Variants in ARHGEF28 observed in about 807,000 individuals in gnomAD.
The protein encoded by ARHGEF28 is Rho guanine nucleotide exchange factor 28.
In ARHGEF28, 152 loss-of-function variants were observed where a neutral mutation model predicts 206.6. That is an observed-to-expected ratio of 0.74 (90% CI 0.64 to 0.84). The LOEUF (loss-of-function observed/expected upper bound fraction) is 0.84, where lower values mean the gene tolerates loss of function less well. ARHGEF28 is among the 40% of genes least tolerant of loss of function. ARHGEF28 has a pLI of 0.00. For missense variants in ARHGEF28, 2,028 were observed against 2,073.2 expected, an observed-to-expected ratio of 0.98 and a Z score of 0.42; for synonymous variants, 763 against 776.4, an observed-to-expected ratio of 0.98 and a Z score of 0.29.
chr5:73,867,037 C>G (rs1278837586), intron 18 of ARHGEF28, among the ~76,000 whole-genome samples: 1 of 152,142 alleles, frequency 6.6e-6, no homozygotes, highest in African/African-American at 2.4e-5. Context: ...CCAAAAGTCT[C>G]TTTGATGATG....
chr5:73,688,330 G>A (rs1407580127), intron 2 of ARHGEF28, among the ~76,000 whole-genome samples: 2 of 152,046 alleles, frequency 1.3e-5, no homozygotes, highest in Non-Finnish European at 2.9e-5. Flanking sequence ...GGTCTTATAG[G>A]TGATTTTTTA....
chr5:73,936,849 T>G (rs570332012), intron 35 of ARHGEF28, among the ~76,000 whole-genome samples: 13 of 152,330 alleles, frequency 8.5e-5, no homozygotes, highest in Non-Finnish European at 1.8e-4. Context: ...ATTACAGGCG[T>G]GAACTACCAT....
intron 35 of ARHGEF28, among the ~76,000 whole-genome samples, chr5:73,912,685 G>A (rs1762972557): frequency 6.6e-6 from 1 of 152,006 alleles, no homozygotes; most frequent in African/African-American, 2.4e-5. Context: ...ATATTCTTTA[G>A]GTAAAGAAAA....
intron 33 of ARHGEF28, among the ~76,000 whole-genome samples, chr5:73,908,213 G>A (rs1168968142): frequency 6.6e-6 from 1 of 152,082 alleles, no homozygotes; most frequent in Non-Finnish European, 1.5e-5. Context: ...TTGTTCAAAA[G>A]GCCCCAGTGA....
chr5:73,840,982 C>A (rs1757955335), intron 11 of ARHGEF28, among the ~76,000 whole-genome samples: 2 of 152,176 alleles, frequency 1.3e-5, no homozygotes, highest in Non-Finnish European at 2.9e-5. Flanking sequence ...CCAGTTTATA[C>A]TCACTTGACT....
chr5:73,731,799 C>A (rs554194653), intron 2 of ARHGEF28, among the ~76,000 whole-genome samples: 1 of 152,186 alleles, frequency 6.6e-6, no homozygotes, highest in African/African-American at 2.4e-5. Context: ...TAAAATGATA[C>A]AGTTTTTCTT....
chr5:73,630,487 C>T (rs1166678655), intron 1 of ARHGEF28, among the ~76,000 whole-genome samples: 1 of 152,196 alleles, frequency 6.6e-6, no homozygotes, highest in Non-Finnish European at 1.5e-5. Context: ...ACAGAGAACC[C>T]TCCTGGTAGT....
intron 26 of ARHGEF28, among the ~76,000 whole-genome samples, chr5:73,888,802 C>G (rs185640723): frequency 6.6e-6 from 1 of 152,188 alleles, no homozygotes; most frequent in East Asian, 1.9e-4. Flanking sequence ...CTGTGCTACC[C>G]ATAGACAACA....
chr5:73,675,776 G>A (rs1746625875), intron 1 of ARHGEF28, among the ~76,000 whole-genome samples: 1 of 148,106 alleles, frequency 6.8e-6, no homozygotes, highest in South Asian at 2.2e-4. Context: ...TATTTATAAA[G>A]TTTATATTTC....
Position 73,897,973 on chromosome 5 carries a change from C to T in ARHGEF28, c.3853C>T (p.Gln1285Ter). The change falls in exon 30 of 36, where the codon CAA becomes TAA. Residue 1285 changes from glutamine (Q) to a stop codon, truncating the protein, a stop_gained. Coordinates refer to ENST00000513042, the MANE Select transcript of ARHGEF28 (RefSeq NM_001177693.2). LOFTEE classifies it high-confidence loss of function. ...TTTCTCCATCTTAGCTGAGAGCCTA[C>T]AAGTTGCAGTGAAGGCCTCACAGAT... is the stretch of plus-strand genomic sequence containing the variant. ...AAALKEAESL[Q>*]VAVKASQMGA... 1 of 1,581,030 alleles carries T rather than the reference C, an allele frequency of 6.3e-7. No individual in the cohort carries two copies.
intron 35 of ARHGEF28, among the ~76,000 whole-genome samples, chr5:73,934,278 A>C (rs570218379): frequency 6.6e-6 from 1 of 152,180 alleles, no homozygotes; most frequent in Non-Finnish European, 1.5e-5. Context: ...ATTTGATTAG[A>C]TGCAGGCTTT....
chr5:73,888,352 C>T (rs1049606516), intron 26 of ARHGEF28, among the ~76,000 whole-genome samples: 1 of 152,246 alleles, frequency 6.6e-6, no homozygotes, highest in Non-Finnish European at 1.5e-5. Context: ...GAAGAAGTCT[C>T]TATGTTCCCA....
intron 35 of ARHGEF28, among the ~76,000 whole-genome samples, chr5:73,923,379 G>T (rs562045277): frequency 8.5e-5 from 13 of 152,306 alleles, no homozygotes; most frequent in Admixed American, 6.5e-4. Context: ...GGAGCAAAAA[G>T]CCTAAATCTG....
intron 35 of ARHGEF28, among the ~76,000 whole-genome samples, chr5:73,930,065 G>A (rs283628): frequency 0.48 from 72,226 of 151,934 alleles, 18,349 homozygotes; most frequent in African/African-American, 0.66. Context: ...ATTAGAAGTG[G>A]AGAGCAGTAA....
At chr5:73,896,271 G>A (rs1391582989) in intron 29 of ARHGEF28, among the ~76,000 whole-genome samples, 2 of 152,150 alleles carry the variant, frequency 1.3e-5, no homozygotes, top group Admixed American at 1.3e-4. Flanking sequence ...AGAAGGAAGT[G>A]CAAAGCCCCT....
intron 26 of ARHGEF28, among the ~76,000 whole-genome samples, chr5:73,891,772 G>A (rs1240770573): frequency 6.6e-6 from 1 of 152,096 alleles, no homozygotes; most frequent in African/African-American, 2.4e-5. Flanking sequence ...TGATTCACCT[G>A]CCTCGGCCTC....
At chr5:73,731,406 T>C (rs1293181582) in intron 2 of ARHGEF28, among the ~76,000 whole-genome samples, 1 of 152,236 alleles carries the variant, frequency 6.6e-6, no homozygotes, top group Admixed American at 6.5e-5. Context: ...GCTTGGCTAT[T>C]AAAAAATTTG....
intron 1 of ARHGEF28, among the ~76,000 whole-genome samples, chr5:73,668,970 G>T (rs944762527): frequency 4.0e-5 from 6 of 151,292 alleles, no homozygotes; most frequent in Admixed American, 1.3e-4. Context: ...CCAGAAGAAT[G>T]TTTTTTTTTC....
intron 13 of ARHGEF28, 84 bp downstream of exon 13, chr5:73,849,171 A>G: frequency 1.0e-6 from 1 of 972,432 alleles, no homozygotes; most frequent in Non-Finnish European, 1.5e-6. Context: ...AAAATATTCA[A>G]GAACAGCAGA....
Sources: gnomAD v4.1 joint callset for allele counts (sites outside exome capture counted in the v4.1 genomes callset) on GRCh38, gnomAD v4.1.1 for gene constraint, MANE v1.5 for transcripts, NCBI Gene and HGNC (gene_info 2026-07-23, HGNC 2026-07-21) for gene names.